Variants in SREBF1 observed in about 807,000 individuals in gnomAD.
SREBF1 encodes the protein sterol regulatory element binding transcription factor 1, also known as sterol regulatory element-binding protein 1.
SREBF1 carries 45 observed loss-of-function variants against 100.1 expected under a neutral mutation model. The observed-to-expected ratio is 0.45, with a 90% confidence interval of 0.35 to 0.58. The LOEUF (loss-of-function observed/expected upper bound fraction) is 0.58, where lower values mean the gene tolerates loss of function less well. Ranked by LOEUF, SREBF1 falls within the 20% of genes least tolerant of loss-of-function variation. The pLI is 0.00. For missense variants in SREBF1, 1,324 were observed against 1,539.4 expected (o/e 0.86, Z 2.34); for synonymous variants, 657 against 681.8 (o/e 0.96, Z 0.57).
intron 1 of SREBF1, among the ~76,000 whole-genome samples, chr17:17,835,734 C>T (rs964449472): frequency 4.6e-5 from 7 of 152,260 alleles, no homozygotes; most frequent in African/African-American, 1.4e-4. Flanking sequence ...CTAATTGGCA[C>T]TTGGTGCCAC....
At position 17,819,934 on chromosome 17, in the gene SREBF1, A is replaced by C. The variant is rs2033962845; in HGVS notation, c.523+156T>G. ...TTGCGCCTACCCCGGCAACAAGCAC[A>C]CCAGGACTGCTAGTAACAGGGCATC... On this transcript the variant is annotated intron_variant, in intron 2 of 18. Coordinates refer to ENST00000261646, the MANE Select transcript of SREBF1 (RefSeq NM_004176.5). 2 of 1,140,656 alleles carry C rather than the reference A, an allele frequency of 1.8e-6. 1 individual carries two copies. The highest frequency in any genetic ancestry group is 2.4e-6 in the Non-Finnish European group (2 of 825,688). The allele number at this position is 1,140,656 out of a possible 1,614,324, so 70.7% of individuals were successfully genotyped here.
At position 17,816,282 on chromosome 17, in the gene SREBF1, C is replaced by A. The variant is rs751855027; in HGVS notation, c.2139G>T (p.Ala713=). The part of the protein sequence containing the change: ...AECAGDAVSV[A]TLAEIYVAAA... Reference sequence around the variant, plus strand: ...CCGCCACATAGATCTCGGCCAGCGTCGCCACAGACACGGCATCCCCTGCAC... The same window carrying A: ...CCGCCACATAGATCTCGGCCAGCGTAGCCACAGACACGGCATCCCCTGCAC... The change falls in exon 11 of 19, where the codon GCG becomes GCT. Residue 713 remains alanine (A), a synonymous_variant. Transcript: ENST00000261646. 6.3e-7 allele frequency: 1 copy of A among 1,599,162 alleles called. No individual in the cohort carries two copies. The highest frequency in any genetic ancestry group is 8.5e-7 in the Non-Finnish European group (1 of 1,174,744).
chr17:17,834,541 G>T lies in SREBF1; in HGVS notation c.91+2186C>A, dbSNP rs555743234. Reference sequence around the variant, plus strand: ...TGGGTAAAGCTGAGCCCTGCCTAGTGAGAAGGGGCTGCCCCCAGTCTTCAA... The same window carrying T: ...TGGGTAAAGCTGAGCCCTGCCTAGTTAGAAGGGGCTGCCCCCAGTCTTCAA... On this transcript the variant is annotated intron_variant, in intron 1 of 18. Coordinates refer to ENST00000261646, the MANE Select transcript of SREBF1 (RefSeq NM_004176.5). Among the ~76,000 whole-genome samples, 5 of 152,372 alleles carry T rather than the reference G, an allele frequency of 3.3e-5. No homozygotes were observed. In the South Asian group the frequency reaches 8.3e-4, roughly 25 times the overall value.
In SREBF1 at chr17:17,836,863, T is replaced by C; in HGVS notation, c.-46A>G. ...GAGGCCCGCCGGGCCCGCCGCCTCGTACGGCCCTTCCTAGGGAGCGCCGCC... is the reference window on the plus strand; with the variant it reads ...GAGGCCCGCCGGGCCCGCCGCCTCGCACGGCCCTTCCTAGGGAGCGCCGCC... On this transcript the variant is annotated 5_prime_UTR_variant, in exon 1 of 19. Coordinates refer to ENST00000261646, the MANE Select transcript of SREBF1 (RefSeq NM_004176.5). 6.7e-7 allele frequency: 1 copy of C among 1,499,262 alleles called. No individual in the cohort carries two copies. Among genetic ancestry groups the C allele is most frequent in the Non-Finnish European group, 8.9e-7 (1 of 1,126,532 alleles). The allele number at this position is 1,499,262 out of a possible 1,614,324, so 92.9% of individuals were successfully genotyped here.
Position 17,812,812 on chromosome 17 carries a change from T to A in SREBF1, c.3254A>T (p.Glu1085Val). 1.3e-6 allele frequency: 2 copies of A among 1,490,240 alleles called. No individual in the cohort carries two copies. Among genetic ancestry groups the A allele is most frequent in the Non-Finnish European group, 1.8e-6 (2 of 1,125,552 alleles). The allele number at this position is 1,490,240 out of a possible 1,614,324, so 92.3% of individuals were successfully genotyped here. A position where few individuals can be genotyped will look rare whatever the true frequency, so the allele number is the denominator to read the frequency against. ...GGCCAGCAGCAAGGCCTCCGCGTGC[T>A]CCCGCCGCGTGGGCCGCGGCTCCAG... ...AELEPRPTRR[E>V]HAEALLLASC... The change falls in exon 19 of 19, where the codon GAG becomes GTG. Residue 1085 changes from glutamate (E) to valine (V), a missense_variant. By Grantham distance (121) the Glu-to-Val change is moderately radical. Transcript: ENST00000261646.
intron 5 of SREBF1, 57 bp downstream of exon 5, chr17:17,818,956 C>T: frequency 6.3e-7 from 1 of 1,584,792 alleles, no homozygotes; most frequent in Non-Finnish European, 8.6e-7. Context: ...CCAGTTGCCC[C>T]TGATCTGTTC....
At chr17:17,821,471 C>T (rs192671411) in intron 1 of SREBF1, among the ~76,000 whole-genome samples, 4 of 152,208 alleles carry the variant, frequency 2.6e-5, no homozygotes, top group East Asian at 1.9e-4. Context: ...CATATAGGAG[C>T]GATGGGCCCC....
chr17:17,826,541 G>T (rs1690987141), intron 1 of SREBF1, among the ~76,000 whole-genome samples: 1 of 152,164 alleles, frequency 6.6e-6, no homozygotes, highest in South Asian at 2.1e-4. Context: ...GGAAGAGGAG[G>T]CATAGACTCT....
At chr17:17,818,984 G>C in intron 5 of SREBF1, 29 bp downstream of exon 5, 1 of 1,605,890 alleles carries the variant, frequency 6.2e-7, no homozygotes, top group Non-Finnish European at 8.5e-7. Flanking sequence ...GGGACACCCC[G>C]GTCTGTGCCC....
At chr17:17,832,716 C>T (rs1210555171) in intron 1 of SREBF1, among the ~76,000 whole-genome samples, 2 of 151,932 alleles carry the variant, frequency 1.3e-5, no homozygotes, top group Admixed American at 6.5e-5. Flanking sequence ...GTCAGGAGAT[C>T]GAGACCATCC....
chr17:17,812,367 G>C lies in SREBF1; in HGVS notation c.*255C>G, dbSNP rs73981078. 2.2e-5 allele frequency: 13 copies of C among 581,372 alleles called. No homozygotes were observed. The highest frequency in any genetic ancestry group is 6.5e-5 in the Admixed American group (2 of 30,658). The allele number at this position is 581,372 out of a possible 1,614,324, so 36.0% of individuals were successfully genotyped here. On this transcript the variant is annotated 3_prime_UTR_variant, in exon 19 of 19. Transcript: ENST00000261646. ...AGGTGCCTGCAGAGCAAGGAGGGGG[G>C]CCCCCCAAAATGGCTCGGCCCCTGC...
In SREBF1 at chr17:17,817,148, G is replaced by C. The variant is rs1380486349; in HGVS notation, c.1607-12C>G. On this transcript the variant is annotated splice_polypyrimidine_tract_variant and intron_variant, in intron 8 of 18. Coordinates refer to ENST00000261646, the MANE Select transcript of SREBF1 (RefSeq NM_004176.5). This position sits in a 1 kb window ranked among gnomAD's most constrained non-coding sequence, Gnocchi z 6.6. ...CCAGCCAGGGCCATCTATGGACAGAGGGAAAGCTGGGGACACAGCTCCCAG... is the reference window on the plus strand; with the variant it reads ...CCAGCCAGGGCCATCTATGGACAGACGGAAAGCTGGGGACACAGCTCCCAG... The C allele has an allele frequency of 6.2e-7, 1 of 1,613,056 alleles. No homozygotes were observed. The highest frequency in any genetic ancestry group is 8.5e-7 in the Non-Finnish European group (1 of 1,179,898).
chr17:17,834,482 G>A (rs1377990199), intron 1 of SREBF1, among the ~76,000 whole-genome samples: 2 of 152,220 alleles, frequency 1.3e-5, no homozygotes, highest in African/African-American at 4.8e-5. Context: ...AAAACAGGAA[G>A]TTTGAATAAA....
chr17:17,815,468 C>T lies in SREBF1; in HGVS notation c.2384-139G>A. 2 of 690,656 alleles carry T rather than the reference C, an allele frequency of 2.9e-6. 1 individual carries two copies. Among genetic ancestry groups the T allele is most frequent in the South Asian group, 3.5e-5 (2 of 57,442 alleles). 42.8% of individuals were successfully genotyped at this position (690,656 alleles called of 1,614,324 possible). A position where few individuals can be genotyped will look rare whatever the true frequency, so the allele number is the denominator to read the frequency against. On this transcript the variant is annotated intron_variant, in intron 12 of 18. Coordinates refer to ENST00000261646, the MANE Select transcript of SREBF1 (RefSeq NM_004176.5). Reference sequence around the variant, plus strand: ...GGCATGCCCCTGGGTGCAGCCCCTGCCAAGGACAGGGGAAAGCGGGTGGAC... The same window carrying T: ...GGCATGCCCCTGGGTGCAGCCCCTGTCAAGGACAGGGGAAAGCGGGTGGAC...
At position 17,813,427 on chromosome 17, in the gene SREBF1, C is replaced by G; in HGVS notation, c.3155G>C (p.Arg1052Pro). 6.2e-7 allele frequency: 1 copy of G among 1,600,438 alleles called. No individual in the cohort carries two copies. The highest frequency in any genetic ancestry group is 1.1e-5 in the South Asian group (1 of 89,194). ...ACTGCGGTCGAGGAGCTGGTGTGTC[C>G]GTGTGGGGCTGGCCCCCGCCATCAG... is the stretch of plus-strand genomic sequence containing the variant. ...ARLMAGASPT[R>P]THQLLDRSLR... Residue 1052 changes from arginine to proline, a missense_variant, in exon 18 of 19, where the codon CGG becomes CCG. Arg to Pro is a moderately radical substitution (Grantham distance 103, BLOSUM62 -2). Coordinates refer to ENST00000261646, the MANE Select transcript of SREBF1 (RefSeq NM_004176.5).
At chr17:17,826,233 C>T (rs2034481220) in intron 1 of SREBF1, among the ~76,000 whole-genome samples, 1 of 151,592 alleles carries the variant, frequency 6.6e-6, no homozygotes, top group Non-Finnish European at 1.5e-5. Context: ...AGTGAGTTGC[C>T]TGATACTTGC....
At position 17,816,656 on chromosome 17, in the gene SREBF1, C is replaced by A; in HGVS notation, c.1848G>T (p.Leu616=). The A allele has an allele frequency of 1.3e-6, 2 of 1,589,656 alleles. No individual in the cohort carries two copies. Among genetic ancestry groups the A allele is most frequent in the Non-Finnish European group, 1.7e-6 (2 of 1,169,138 alleles). The change falls in exon 10 of 19, where the codon CTG becomes CTT. Residue 616 remains leucine, a synonymous_variant. Coordinates refer to ENST00000261646, the MANE Select transcript of SREBF1 (RefSeq NM_004176.5). ...AAGCCAGGTCCAGGTGGGAGGTGGG[C>A]AGGGGCCGGCCCAGTGCCCGCAGGG... The part of the protein sequence containing the change: ...WLALRALGRP[L]PTSHLDLACS...
Position 17,816,952 on chromosome 17 carries a change from C to T in SREBF1, c.1785+6G>A, listed in dbSNP as rs777770840. The T allele has an allele frequency of 6.2e-7, 1 of 1,612,876 alleles. No individual in the cohort carries two copies. Among genetic ancestry groups the T allele is most frequent in the Non-Finnish European group, 8.5e-7 (1 of 1,180,032 alleles). ...CCTGCCCACTCTGCCGGGGCCAGCC[C>T]CTTACCCGGGCCAGGTCCAGGTCAG... On this transcript the variant is annotated splice_donor_region_variant and intron_variant, in intron 9 of 18. Coordinates refer to ENST00000261646, the MANE Select transcript of SREBF1 (RefSeq NM_004176.5).
chr17:17,813,999 C>G, intron 16 of SREBF1: 1 of 660,562 alleles, frequency 1.5e-6, no homozygotes. Flanking sequence ...GCAGGGCCTC[C>G]AAAGGGATCC....
Sources: allele counts gnomAD v4.1 joint callset (sites outside exome capture counted in the v4.1 genomes callset), GRCh38; gene constraint gnomAD v4.1.1; non-coding constraint Gnocchi (gnomAD v3.1); transcripts MANE v1.5; gene names NCBI Gene and HGNC (gene_info 2026-07-23, HGNC 2026-07-21).